IFIH1: variants seen among roughly 807,000 people sequenced by gnomAD.
IFIH1 encodes interferon induced with helicase C domain 1.
In IFIH1, 125 loss-of-function variants were observed where a neutral mutation model predicts 107.4. The observed-to-expected ratio is 1.16, with a 90% CI of 1.01 to 1.35. IFIH1 has a LOEUF of 1.35. IFIH1 is among the 40% of genes most tolerant of loss of function. The probability of loss-of-function intolerance (pLI) is 0.00; values close to 1 mark genes in which losing one functional copy is unlikely to be tolerated. For synonymous variants in IFIH1, 458 were observed against 413.2 expected (o/e 1.11, Z -1.31); for missense variants, 1,333 against 1,213.7 (o/e 1.10, Z -1.46).
rs201525208 is a variant in IFIH1, at chr2:162,281,539, G to A, written c.1313C>T (p.Ser438Phe). ...EDAGVQLSDF[S>F]LIIIDECHHT... ...ATGACATTCATCAATGATAATGAGG[G>A]AAAAGTCTTAAAAGAAAATTCAAAG... The change falls in exon 7 of 16, where the codon TCC (serine) becomes TTC (phenylalanine). Residue 438 changes from serine (S) to phenylalanine (F), a missense_variant. Physicochemically the swap from Ser to Phe is radical, Grantham distance 155. Coordinates refer to ENST00000649979, the MANE Select transcript of IFIH1 (RefSeq NM_022168.4). The A allele has an allele frequency of 1.9e-6, 3 of 1,606,144 alleles. No individual in the cohort carries two copies. Among genetic ancestry groups the A allele is most frequent in the Admixed American group, 3.4e-5 (2 of 59,424 alleles).
chr2:162,308,574 C>T (rs556844418), intron 2 of IFIH1, among the ~76,000 whole-genome samples: 17 of 152,150 alleles, frequency 1.1e-4, no homozygotes, highest in South Asian at 4.2e-4. Flanking sequence ...GATGCGGTTT[C>T]GCCATGTTGG....
chr2:162,302,450 A>ACCTAATAGTTTATTT, intron 3 of IFIH1, among the ~76,000 whole-genome samples: 1 of 152,342 alleles, frequency 6.6e-6, no homozygotes, highest in Admixed American at 6.5e-5. Flanking sequence ...CAACTATTTG[A>ACCTAATAGTTTATTT]AACTTTAACC....
intron 4 of IFIH1, among the ~76,000 whole-genome samples, chr2:162,288,843 G>A (rs887769627): frequency 1.3e-5 from 2 of 150,754 alleles, no homozygotes; most frequent in Admixed American, 1.3e-4. Flanking sequence ...TTTTTTAATT[G>A]CAAAGAAGGT....
intron 2 of IFIH1, among the ~76,000 whole-genome samples, chr2:162,309,099 G>T (rs1343337050): frequency 1.3e-5 from 2 of 152,176 alleles, no homozygotes; most frequent in African/African-American, 4.8e-5. Flanking sequence ...AGGGTGATGG[G>T]TCCCAAGCAA....
chr2:162,315,819 C>T (rs879352249), intron 1 of IFIH1, among the ~76,000 whole-genome samples: 2 of 152,188 alleles, frequency 1.3e-5, no homozygotes, highest in Non-Finnish European at 2.9e-5. Flanking sequence ...CATTGTCCAC[C>T]ATATCTTAGT....
chr2:162,311,544 T>C (rs1214918258), intron 1 of IFIH1, among the ~76,000 whole-genome samples: 1 of 152,074 alleles, frequency 6.6e-6, no homozygotes, highest in Non-Finnish European at 1.5e-5. Context: ...TGTTATATCT[T>C]TTTTTTGGAA....
At position 162,277,350 on chromosome 2, in the gene IFIH1, G is replaced by T. The variant is rs1682710396; in HGVS notation, c.2044+65C>A. On this transcript the variant is annotated intron_variant, in intron 10 of 15. Transcript: ENST00000649979. Reference sequence around the variant, plus strand: ...ATTTCTCTTTTTGGAGAGCTTATGAGAAGCAGTAAGTTCATGTTGAAAAGG... The same window carrying T: ...ATTTCTCTTTTTGGAGAGCTTATGATAAGCAGTAAGTTCATGTTGAAAAGG... 6 of 1,127,802 alleles carry T rather than the reference G, an allele frequency of 5.3e-6. No homozygotes were observed. The South Asian group carries it at 7.4e-5, about 14-fold the overall frequency. 69.9% of individuals were successfully genotyped at this position (1,127,802 alleles called of 1,614,324 possible).
At chr2:162,285,665 A>G (rs1046361764) in intron 5 of IFIH1, among the ~76,000 whole-genome samples, 6 of 151,948 alleles carry the variant, frequency 3.9e-5, no homozygotes, top group Admixed American at 3.3e-4. Flanking sequence ...ATGAGGATAA[A>G]TTAATATTTA....
In IFIH1 at chr2:162,267,101, A is replaced by G; in HGVS notation, c.*99T>C. 3.4e-6 allele frequency: 3 copies of G among 890,672 alleles called. No homozygotes were observed. In the South Asian group the frequency reaches 5.3e-5, roughly 16 times the overall value. The allele number at this position is 890,672 out of a possible 1,614,324, so 55.2% of individuals were successfully genotyped here. A position where few individuals can be genotyped will look rare whatever the true frequency, so the allele number is the denominator to read the frequency against. Reference sequence around the variant, plus strand: ...CAATGCAGAGTAAAACAATCATTTTATTGATTCTTATGTCAGTTCTGTAGC... The same window carrying G: ...CAATGCAGAGTAAAACAATCATTTTGTTGATTCTTATGTCAGTTCTGTAGC... On this transcript the variant is annotated 3_prime_UTR_variant, in exon 16 of 16. Coordinates refer to ENST00000649979, the MANE Select transcript of IFIH1 (RefSeq NM_022168.4).
At chr2:162,280,369 G>T (rs565299258) in intron 7 of IFIH1, among the ~76,000 whole-genome samples, 20 of 152,112 alleles carry the variant, frequency 1.3e-4, no homozygotes, top group African/African-American at 4.8e-4. Flanking sequence ...AATCAAGTTG[G>T]TGTAATAACA....
chr2:162,313,266 C>G (rs942244540), intron 1 of IFIH1, among the ~76,000 whole-genome samples: 5 of 152,010 alleles, frequency 3.3e-5, no homozygotes, highest in African/African-American at 1.2e-4. Flanking sequence ...ATATTGATCC[C>G]AATATGTAAA....
chr2:162,273,576 T>G (rs1691087745), intron 12 of IFIH1, among the ~76,000 whole-genome samples: 1 of 152,000 alleles, frequency 6.6e-6, no homozygotes, highest in African/African-American at 2.4e-5. Context: ...TAAAGAGGAG[T>G]TGTTGTTTAA....
chr2:162,315,365 T>C (rs1317147784), intron 1 of IFIH1, among the ~76,000 whole-genome samples: 1 of 152,218 alleles, frequency 6.6e-6, no homozygotes, highest in African/African-American at 2.4e-5. Context: ...GGTTCTGGGA[T>C]GAAAGAGGTA....
chr2:162,273,026 T>C (rs1233207026), intron 12 of IFIH1, among the ~76,000 whole-genome samples: 1 of 152,206 alleles, frequency 6.6e-6, no homozygotes, highest in Non-Finnish European at 1.5e-5. Flanking sequence ...ATCACTGACT[T>C]ACAAATAGAC....
chr2:162,305,835 C>T (rs994459322), intron 3 of IFIH1, among the ~76,000 whole-genome samples: 8 of 152,110 alleles, frequency 5.3e-5, no homozygotes, highest in Non-Finnish European at 8.8e-5. Context: ...AGGCTATCTC[C>T]GTCTTTTGCA....
At chr2:162,307,080 A>G (rs1351798959) in intron 2 of IFIH1, 1 of 420,540 alleles carries the variant, frequency 2.4e-6, no homozygotes, top group African/African-American at 2.0e-5. Context: ...CAAAATGGAG[A>G]GCCCGCAATA....
In IFIH1 at chr2:162,272,491, G is replaced by A. The variant is rs1691062497; in HGVS notation, c.2455-104C>T. On this transcript the variant is annotated intron_variant, in intron 12 of 15. Coordinates refer to ENST00000649979, the MANE Select transcript of IFIH1 (RefSeq NM_022168.4). ...TCTTGCTCAGAATGAAATGATATTG[G>A]GTTGTTCAGCATGCCAGTCTTCAAA... The A allele has an allele frequency of 5.1e-6, 5 of 976,678 alleles. No homozygotes were observed. The Admixed American group carries it at 7.8e-5, about 15-fold the overall frequency. 60.5% of individuals were successfully genotyped at this position (976,678 alleles called of 1,614,324 possible).
chr2:162,281,505 G>T lies in IFIH1; in HGVS notation c.1347C>A (p.Asn449Lys), dbSNP rs753383954. 1 of 1,611,404 alleles carries T rather than the reference G, an allele frequency of 6.2e-7. No homozygotes were observed. Among genetic ancestry groups the T allele is most frequent in the Non-Finnish European group, 8.5e-7 (1 of 1,178,306 alleles). ...TGATGTTATTATACACTGCTTCTTT[G>T]TTGGTGTGATGACATTCATCAATGA... ...LIIIDECHHT[N>K]KEAVYNNIMR... The change falls in exon 7 of 16, where the codon AAC (asparagine) becomes AAA (lysine). Residue 449 changes from asparagine (N) to lysine (K), a missense_variant. Coordinates refer to ENST00000649979, the MANE Select transcript of IFIH1 (RefSeq NM_022168.4).
At chr2:162,273,696 AC>A in intron 12 of IFIH1, 98 bp downstream of exon 12, 1 of 930,224 alleles carries the variant, frequency 1.1e-6, no homozygotes, top group Non-Finnish European at 1.6e-6. Flanking sequence ...TGTTTTAAAA[AC>A]TAAAAAGATG....
Sources: allele counts gnomAD v4.1 joint callset (sites outside exome capture counted in the v4.1 genomes callset), GRCh38; gene constraint gnomAD v4.1.1; transcripts MANE v1.5; gene names NCBI Gene and HGNC (gene_info 2026-07-23, HGNC 2026-07-21).